Variants in WDPCP observed in about 807,000 individuals in gnomAD.
WDPCP encodes the protein WD repeat containing planar cell polarity effector.
A neutral mutation model predicts 93.1 loss-of-function variants in WDPCP; 71 were observed. The ratio of observed to expected loss-of-function variants is 0.76; its 90% CI spans 0.63 to 0.93. The LOEUF (loss-of-function observed/expected upper bound fraction) is 0.93, where lower values mean the gene tolerates loss of function less well. Ranked by LOEUF, WDPCP falls within the 40% of genes least tolerant of loss-of-function variation. WDPCP has a pLI of 0.00. For missense variants in WDPCP, 844 were observed against 887.4 expected (o/e 0.95, Z 0.62); for synonymous variants, 315 against 315.0 (o/e 1.00, Z 0.00).
intron 17 of WDPCP, among the ~76,000 whole-genome samples, chr2:63,149,756 T>C (rs1553541183): frequency 4.6e-5 from 7 of 152,154 alleles, no homozygotes; most frequent in Non-Finnish European, 1.0e-4. Context: ...TGTTTCCACT[T>C]ATATAAAGTT....
intron 12 of WDPCP, among the ~76,000 whole-genome samples, chr2:63,329,367 G>C (rs1687811493): frequency 6.6e-6 from 1 of 152,018 alleles, no homozygotes. Flanking sequence ...TATTTTATAA[G>C]GCAAAATGAT....
At chr2:63,711,164 G>T (rs987824846) in intron 2 of WDPCP, among the ~76,000 whole-genome samples, 1 of 152,170 alleles carries the variant, frequency 6.6e-6, no homozygotes, top group Non-Finnish European at 1.5e-5. Flanking sequence ...TCCTGAGGCT[G>T]AAGTCAGGAT....
At chr2:63,427,976 A>G (rs896512523) in intron 9 of WDPCP, among the ~76,000 whole-genome samples, 2 of 152,166 alleles carry the variant, frequency 1.3e-5, no homozygotes, top group Non-Finnish European at 2.9e-5. Context: ...GAAAATCTGT[A>G]GGAAATAGAT....
chr2:63,326,460 C>T (rs1687548726), intron 12 of WDPCP, among the ~76,000 whole-genome samples: 1 of 152,012 alleles, frequency 6.6e-6, no homozygotes, highest in Non-Finnish European at 1.5e-5. Flanking sequence ...GTTAGCAGAA[C>T]TAGTGGCACT....
chr2:63,830,765 TCA>T (rs1247130824), upstream of WDPCP, among the ~76,000 whole-genome samples: 2 of 152,166 alleles, frequency 1.3e-5, no homozygotes, highest in Non-Finnish European at 2.9e-5. Flanking sequence ...TTATTCTCTC[TCA>T]GTTTTCCTTT....
At chr2:63,814,521 A>C (rs893644706) in intron 1 of WDPCP, among the ~76,000 whole-genome samples, 1 of 152,198 alleles carries the variant, frequency 6.6e-6, no homozygotes, top group Non-Finnish European at 1.5e-5. Context: ...CCAATGCCAG[A>C]AGGCACCTAA....
intron 7 of WDPCP, 23 bp downstream of exon 7, chr2:63,439,734 G>A: frequency 6.3e-7 from 1 of 1,598,808 alleles, no homozygotes. Context: ...GTAGGCAATT[G>A]ATTTGCACAT....
the WDPCP span, among the ~76,000 whole-genome samples, chr2:63,832,982 G>A: frequency 6.6e-6 from 1 of 152,230 alleles, no homozygotes; most frequent in African/African-American, 2.4e-5. Context: ...GCCGGGCACA[G>A]TGGCTCCCAC....
intron 12 of WDPCP, among the ~76,000 whole-genome samples, chr2:63,319,724 C>T (rs908145952): frequency 2.0e-5 from 3 of 151,984 alleles, no homozygotes; most frequent in East Asian, 1.9e-4. Context: ...GTGATCCACC[C>T]GCCTCAGCCT....
At chr2:63,185,109 C>T (rs533823299) in intron 14 of WDPCP, among the ~76,000 whole-genome samples, 2 of 152,280 alleles carry the variant, frequency 1.3e-5, no homozygotes, top group African/African-American at 4.8e-5. Context: ...ATAAATTTCT[C>T]ATTCATATCC....
intron 2 of WDPCP, among the ~76,000 whole-genome samples, chr2:63,806,977 G>C (rs1670776015): frequency 6.6e-6 from 1 of 152,136 alleles, no homozygotes; most frequent in Non-Finnish European, 1.5e-5. Context: ...CTCCTCAGCT[G>C]ACAGGATTAA....
chr2:63,420,411 G>A (rs138444288), intron 9 of WDPCP, among the ~76,000 whole-genome samples: 219 of 149,798 alleles, frequency 1.5e-3, no homozygotes, highest in African/African-American at 5.2e-3. Flanking sequence ...GCACATGCCT[G>A]TAATCCCAGC....
intron 12 of WDPCP, among the ~76,000 whole-genome samples, chr2:63,330,487 C>T (rs935132312): frequency 6.6e-6 from 1 of 151,926 alleles, no homozygotes; most frequent in Non-Finnish European, 1.5e-5. Flanking sequence ...GACTCCCTTC[C>T]CAGCTATATG....
chr2:63,619,769 C>T (rs953577881), intron 3 of WDPCP, among the ~76,000 whole-genome samples: 1 of 152,214 alleles, frequency 6.6e-6, no homozygotes, highest in Admixed American at 6.5e-5. Flanking sequence ...CTGCAGCTCC[C>T]AGGCAGATCA....
At chr2:63,723,314 C>T (rs1669454250) in intron 2 of WDPCP, among the ~76,000 whole-genome samples, 1 of 151,964 alleles carries the variant, frequency 6.6e-6, no homozygotes. Context: ...AAGAATGCTC[C>T]CTTTTTCTCA....
chr2:63,769,427 T>A (rs1159153481), intron 2 of WDPCP, among the ~76,000 whole-genome samples: 4 of 151,898 alleles, frequency 2.6e-5, no homozygotes, highest in African/African-American at 9.7e-5. Flanking sequence ...GGAGTTAAAG[T>A]AGCAGCTAAA....
At chr2:63,223,702 C>T (rs896812134) in intron 14 of WDPCP, among the ~76,000 whole-genome samples, 15 of 152,074 alleles carry the variant, frequency 9.9e-5, no homozygotes, top group Admixed American at 4.6e-4. Context: ...CATAAGGAAT[C>T]GCTTTGTGTG....
intron 14 of WDPCP, among the ~76,000 whole-genome samples, chr2:63,192,489 T>C (rs967342341): frequency 2.0e-5 from 3 of 152,202 alleles, no homozygotes; most frequent in Admixed American, 6.5e-5. Context: ...CCCATTTGCA[T>C]ATATTATCTC....
chr2:63,243,045 T>C (rs1044839538), intron 14 of WDPCP, among the ~76,000 whole-genome samples: 1 of 152,212 alleles, frequency 6.6e-6, no homozygotes, highest in African/African-American at 2.4e-5. Flanking sequence ...CTGAAGTTAC[T>C]GGGTTTCATG....
Sources: gnomAD v4.1 joint callset for allele counts (sites outside exome capture counted in the v4.1 genomes callset) on GRCh38, gnomAD v4.1.1 for gene constraint, MANE v1.5 for transcripts, NCBI Gene and HGNC (gene_info 2026-07-23, HGNC 2026-07-21) for gene names.